The following UBASH3B variants were observed in gnomAD, a reference collection of about 807,000 sequenced individuals.
UBASH3B encodes the protein ubiquitin associated and SH3 domain containing B.
UBASH3B carries 37 observed loss-of-function variants against 83.4 expected under a neutral mutation model. The observed-to-expected ratio is 0.44, with a 90% CI of 0.34 to 0.58. The LOEUF (loss-of-function observed/expected upper bound fraction) is 0.58, where lower values mean the gene tolerates loss of function less well. Ranked by LOEUF, UBASH3B falls within the 20% of genes least tolerant of loss-of-function variation. The pLI, the probability that UBASH3B is intolerant of heterozygous loss-of-function variation, is 0.01. For synonymous variants in UBASH3B, 304 were observed against 318.3 expected (o/e 0.96, Z 0.48); for missense variants, 657 against 827.2 (o/e 0.79, Z 2.52).
At chr11:122,782,888 C>CA (rs139147051) in intron 4 of UBASH3B, 165 bp from the exon 5 acceptor site, 192,071 of 794,134 alleles carry the variant, frequency 0.24, 23,931 homozygotes, top group African/African-American at 0.33. Flanking sequence ...TTGCCATCCC[C>CA]TTACCCCCTT....
At chr11:122,690,400 G>T (rs1863879992) in intron 1 of UBASH3B, among the ~76,000 whole-genome samples, 1 of 150,556 alleles carries the variant, frequency 6.6e-6, no homozygotes, top group Non-Finnish European at 1.5e-5. Flanking sequence ...ATAAATGGTA[G>T]CTACTATTCT....
At chr11:122,748,224 ACCGTCATTCTG>A (rs1412645068) in intron 1 of UBASH3B, among the ~76,000 whole-genome samples, 1 of 152,266 alleles carries the variant, frequency 6.6e-6, no homozygotes, top group African/African-American at 2.4e-5. Flanking sequence ...ACAACTTCAG[ACCGTCATTCTG>A]CCTTTCAGCT....
chr11:122,745,553 C>T (rs372900808), intron 1 of UBASH3B, among the ~76,000 whole-genome samples: 8 of 152,180 alleles, frequency 5.3e-5, no homozygotes, highest in Admixed American at 1.3e-4. Context: ...GAAGAGACTC[C>T]GGCTTTTTCT....
At chr11:122,686,352 G>A (rs574124366) in intron 1 of UBASH3B, among the ~76,000 whole-genome samples, 4 of 152,316 alleles carry the variant, frequency 2.6e-5, no homozygotes, top group Admixed American at 6.5e-5. Flanking sequence ...ATGGTCGAGC[G>A]TGAGACAGCA....
intron 1 of UBASH3B, among the ~76,000 whole-genome samples, chr11:122,722,927 G>A (rs972788660): frequency 6.6e-6 from 1 of 152,036 alleles, no homozygotes; most frequent in East Asian, 1.9e-4. Flanking sequence ...GGATGGTCTC[G>A]ATCTCCTGAT....
intron 1 of UBASH3B, among the ~76,000 whole-genome samples, chr11:122,669,820 G>T (rs12290043): frequency 0.054 from 8,260 of 152,230 alleles, 506 homozygotes; most frequent in African/African-American, 0.15. Context: ...ACAGAGATTT[G>T]AACTTGCCCA....
intron 1 of UBASH3B, among the ~76,000 whole-genome samples, chr11:122,743,361 T>G (rs35983018): frequency 0.3 from 45,742 of 151,970 alleles, 7,335 homozygotes; most frequent in Non-Finnish European, 0.34. Context: ...ACTACAGGCA[T>G]GCACTACCAT....
Position 122,794,698 on chromosome 11 carries a change from G to A in UBASH3B, c.981-4G>A, listed in dbSNP as rs1861122602. ...GTTAACACCTTCCTTATCTTCCTCT[G>A]CAGTTCTTATTCAATCTTAAATACA... is the stretch of plus-strand genomic sequence containing the variant. On this transcript the variant is annotated splice_polypyrimidine_tract_variant and splice_region_variant and intron_variant, in intron 6 of 13. Transcript: ENST00000284273. 3 of 1,614,032 alleles carry A rather than the reference G, an allele frequency of 1.9e-6. No individual in the cohort carries two copies. The highest frequency in any genetic ancestry group is 2.7e-5 in the African/African-American group (2 of 75,028).
chr11:122,730,899 T>G (rs1860833884), intron 1 of UBASH3B, among the ~76,000 whole-genome samples: 1 of 152,218 alleles, frequency 6.6e-6, no homozygotes, highest in African/African-American at 2.4e-5. Context: ...CTGGCCAATA[T>G]TTGGATTCTT....
intron 1 of UBASH3B, among the ~76,000 whole-genome samples, chr11:122,692,156 G>T (rs1005057474): frequency 6.6e-6 from 1 of 152,128 alleles, no homozygotes; most frequent in African/African-American, 2.4e-5. Flanking sequence ...ACAAGATGGG[G>T]ATAATTAAAT....
intron 1 of UBASH3B, among the ~76,000 whole-genome samples, chr11:122,721,612 T>C (rs1197579119): frequency 2.0e-5 from 3 of 152,222 alleles, no homozygotes; most frequent in Non-Finnish European, 2.9e-5. Context: ...AGACTGCCTG[T>C]TCTGCAGACA....
intron 1 of UBASH3B, among the ~76,000 whole-genome samples, chr11:122,725,996 G>A (rs1279501072): frequency 6.6e-6 from 1 of 151,966 alleles, no homozygotes; most frequent in Non-Finnish European, 1.5e-5. Context: ...CCGGCCCCTT[G>A]TTTCATTTTT....
chr11:122,799,762 C>T (rs1861220451), intron 10 of UBASH3B, among the ~76,000 whole-genome samples: 1 of 152,134 alleles, frequency 6.6e-6, no homozygotes. Context: ...ACTTTAAAAG[C>T]ACCATTGCTA....
intron 1 of UBASH3B, among the ~76,000 whole-genome samples, chr11:122,702,172 CA>C (rs1243165516): frequency 6.6e-6 from 1 of 152,160 alleles, no homozygotes; most frequent in African/African-American, 2.4e-5. Context: ...GGTCAGCAAA[CA>C]GCCCATGAGG....
At chr11:122,672,485 C>T (rs1392993142) in intron 1 of UBASH3B, among the ~76,000 whole-genome samples, 1 of 152,066 alleles carries the variant, frequency 6.6e-6, no homozygotes. Flanking sequence ...ACCACCACAC[C>T]CAGCTACTTT....
chr11:122,655,967 T>G lies in UBASH3B; in HGVS notation c.-83T>G. The G allele has an allele frequency of 5.9e-3, 1,867 of 315,336 alleles. No individual in the cohort carries two copies. Among genetic ancestry groups the G allele is most frequent in the Non-Finnish European group, 7.7e-3 (1,613 of 208,528 alleles). The allele number at this position is 315,336 out of a possible 1,614,324, so 19.5% of individuals were successfully genotyped here. A position where few individuals can be genotyped will look rare whatever the true frequency, so the allele number is the denominator to read the frequency against. On this transcript the variant is annotated 5_prime_UTR_variant, in exon 1 of 14. Transcript: ENST00000284273. ...CCTGGCTCTGGGTCCCCGAGCCCCCTCCCCTGGCCCAGCCCGACTCCCTCC... is the reference window on the plus strand; with the variant it reads ...CCTGGCTCTGGGTCCCCGAGCCCCCGCCCCTGGCCCAGCCCGACTCCCTCC...
intron 1 of UBASH3B, among the ~76,000 whole-genome samples, chr11:122,677,000 A>G (rs1463123665): frequency 2.0e-5 from 3 of 152,212 alleles, no homozygotes; most frequent in Admixed American, 2.0e-4. Flanking sequence ...CTTAGATGAA[A>G]TGTTATACAG....
At position 122,692,013 on chromosome 11, in the gene UBASH3B, C is replaced by T. The variant is rs75344571; in HGVS notation, c.161+35803C>T. Among the ~76,000 whole-genome samples the T allele has an allele frequency of 4.6e-3, 704 of 152,248 alleles. 8 individuals carry two copies. The highest frequency in any genetic ancestry group is 0.016 in the African/African-American group (659 of 41,522). On this transcript the variant is annotated intron_variant, in intron 1 of 13. Coordinates refer to ENST00000284273, the MANE Select transcript of UBASH3B (RefSeq NM_032873.5). ...CAGGCCAGAGTGGTAGTTAAGAACA[C>T]TGGAGCTTTTCAGGCCTCGTTCCAT...
intron 1 of UBASH3B, among the ~76,000 whole-genome samples, chr11:122,766,939 TG>T (rs1860552141): frequency 6.6e-6 from 1 of 152,196 alleles, no homozygotes; most frequent in Non-Finnish European, 1.5e-5. Flanking sequence ...GACAGGAGTC[TG>T]GGGGAGACTC....
Sources: gnomAD v4.1 joint callset for allele counts (sites outside exome capture counted in the v4.1 genomes callset) on GRCh38, gnomAD v4.1.1 for gene constraint, MANE v1.5 for transcripts, NCBI Gene and HGNC (gene_info 2026-07-23, HGNC 2026-07-21) for gene names.